PRSS35: variants seen among roughly 807,000 people sequenced by gnomAD.
PRSS35 encodes serine protease 35, also known as inactive serine protease 35.
PRSS35 carries 7 observed loss-of-function variants against 8.1 expected under a neutral mutation model. That is an observed-to-expected ratio of 0.86 (90% CI 0.49 to 1.62). The LOEUF (loss-of-function observed/expected upper bound fraction) is 1.62, where lower values mean the gene tolerates loss of function less well. PRSS35 is among the 40% of genes most tolerant of loss of function. The pLI, the probability that PRSS35 is intolerant of heterozygous loss-of-function variation, is 0.00. For synonymous variants in PRSS35, 199 were observed against 188.7 expected (o/e 1.05, Z -0.45); for missense variants, 566 against 518.0 (o/e 1.09, Z -0.90).
At position 83,523,473 on chromosome 6, in the gene PRSS35, T is replaced by C. The variant is rs1442395152; in HGVS notation, c.32T>C (p.Phe11Ser). The change falls in exon 2 of 2, where the codon TTC becomes TCC. Residue 11 changes from phenylalanine to serine, a missense_variant. By Grantham distance (155) the Phe-to-Ser change is radical. Coordinates refer to ENST00000369700, the MANE Select transcript of PRSS35 (RefSeq NM_153362.3). ...AATATGCTGCTTTGGTTGATATTTT[T>C]CACCCCTGGGTGGACCCTCATTGAT... Reference protein sequence around the residue: MENMLLWLIFFTPGWTLIDGS... With the variant: MENMLLWLIFSTPGWTLIDGS... The C allele has an allele frequency of 1.3e-5, 21 of 1,613,226 alleles. No individual in the cohort carries two copies. The highest frequency in any genetic ancestry group is 1.8e-5 in the Non-Finnish European group (21 of 1,179,702).
rs369127635 is a variant in PRSS35, at chr6:83,523,498, T to C, written c.57T>C (p.Asp19=). The C allele has an allele frequency of 5.6e-5, 91 of 1,614,068 alleles. No individual in the cohort carries two copies. Among genetic ancestry groups the C allele is most frequent in the Non-Finnish European group, 7.3e-5 (86 of 1,180,020 alleles). The change falls in exon 2 of 2, where the codon GAT becomes GAC. Residue 19 remains aspartate, a synonymous_variant. Transcript: ENST00000369700. ...IFFTPGWTLI[D]GSEMEWDFMW... ...TCACCCCTGGGTGGACCCTCATTGATGGATCTGAAATGGAATGGGATTTTA... is the reference window on the plus strand; with the variant it reads ...TCACCCCTGGGTGGACCCTCATTGACGGATCTGAAATGGAATGGGATTTTA...
chr6:83,522,540 T>A (rs946118856), intron 1 of PRSS35, among the ~76,000 whole-genome samples: 3 of 152,164 alleles, frequency 2.0e-5, no homozygotes, highest in African/African-American at 7.2e-5. Context: ...AGGGACTATA[T>A]CTAACCATTC....
intron 1 of PRSS35, among the ~76,000 whole-genome samples, chr6:83,514,237 CT>C (rs1409659156): frequency 7.9e-5 from 12 of 152,168 alleles, no homozygotes; most frequent in African/African-American, 2.7e-4. Flanking sequence ...GAGCTATATG[CT>C]GTGCACTTCA....
chr6:83,523,514 T>A lies in PRSS35; in HGVS notation c.73T>A (p.Trp25Arg). Residue 25 changes from tryptophan (W) to arginine (R), a missense_variant, in exon 2 of 2, where the codon TGG (tryptophan) becomes AGG (arginine). By Grantham distance (101) the Trp-to-Arg change is moderately radical. Coordinates refer to ENST00000369700, the MANE Select transcript of PRSS35 (RefSeq NM_153362.3). ...WTLIDGSEME[W>R]DFMWHLRKVP... The stretch of plus-strand genomic sequence containing the variant: ...CCTCATTGATGGATCTGAAATGGAA[T>A]GGGATTTTATGTGGCACTTGAGAAA... 2 of 1,614,160 alleles carry A rather than the reference T, an allele frequency of 1.2e-6. No homozygotes were observed. The highest frequency in any genetic ancestry group is 1.7e-6 in the Non-Finnish European group (2 of 1,180,010).
intron 1 of PRSS35, among the ~76,000 whole-genome samples, chr6:83,514,244 C>A (rs919555172): frequency 1.3e-5 from 2 of 152,152 alleles, no homozygotes; most frequent in Non-Finnish European, 2.9e-5. Flanking sequence ...ATGCTGTGCA[C>A]TTCATAAGGC....
intron 1 of PRSS35, among the ~76,000 whole-genome samples, chr6:83,514,617 A>G (rs1771679756): frequency 6.6e-6 from 1 of 152,194 alleles, no homozygotes; most frequent in African/African-American, 2.4e-5. Flanking sequence ...ATCAGTGGAG[A>G]GCTTATCCTT....
intron 1 of PRSS35, among the ~76,000 whole-genome samples, chr6:83,513,202 G>A (rs2127712367): frequency 6.6e-6 from 1 of 152,284 alleles, no homozygotes; most frequent in South Asian, 2.1e-4. Flanking sequence ...AAAGTGTGTG[G>A]GGTGGTGATG....
chr6:83,514,056 T>C (rs1015203298), intron 1 of PRSS35, among the ~76,000 whole-genome samples: 8 of 152,218 alleles, frequency 5.3e-5, no homozygotes, highest in East Asian at 1.9e-4. Context: ...GTTAGTAGTA[T>C]GCAAGCTATT....
Position 83,524,262 on chromosome 6 carries a change from A to G in PRSS35, c.821A>G (p.Asp274Gly), listed in dbSNP as rs754021722. 3.0e-5 allele frequency: 49 copies of G among 1,614,010 alleles called. No individual in the cohort carries two copies. Among genetic ancestry groups the G allele is most frequent in the Non-Finnish European group, 3.8e-5 (45 of 1,180,030 alleles). The change falls in exon 2 of 2, where the codon GAC becomes GGC. Residue 274 changes from aspartate to glycine, a missense_variant. Transcript: ENST00000369700. ...GGAGGCATGGGGGACGCTACCTTGGACTATGACTATGCTCTTCTGGAGCTG... is the reference window on the plus strand; with the variant it reads ...GGAGGCATGGGGGACGCTACCTTGGGCTATGACTATGCTCTTCTGGAGCTG... ...ARGGMGDATL[D>G]YDYALLELKR...
At chr6:83,519,137 C>T (rs191235139) in intron 1 of PRSS35, among the ~76,000 whole-genome samples, 8 of 152,256 alleles carry the variant, frequency 5.3e-5, no homozygotes, top group African/African-American at 1.9e-4. Context: ...AGTGTGGTCA[C>T]TTCTATTAAT....
In PRSS35 at chr6:83,523,524, T is replaced by C; in HGVS notation, c.83T>C (p.Met28Thr). The C allele has an allele frequency of 6.2e-7, 1 of 1,614,238 alleles. No individual in the cohort carries two copies. Among genetic ancestry groups the C allele is most frequent in the Non-Finnish European group, 8.5e-7 (1 of 1,180,040 alleles). Residue 28 changes from methionine (M) to threonine (T), a missense_variant, in exon 2 of 2, where the codon ATG becomes ACG. Coordinates refer to ENST00000369700, the MANE Select transcript of PRSS35 (RefSeq NM_153362.3). The stretch of plus-strand genomic sequence containing the variant: ...GGATCTGAAATGGAATGGGATTTTA[T>C]GTGGCACTTGAGAAAGGTACCCCGG... ...IDGSEMEWDF[M>T]WHLRKVPRIV...
intron 1 of PRSS35, among the ~76,000 whole-genome samples, chr6:83,514,461 C>G (rs1371220691): frequency 6.6e-6 from 1 of 152,174 alleles, no homozygotes. Context: ...CTTCCTTTCC[C>G]TCAAGTACTG....
intron 1 of PRSS35, among the ~76,000 whole-genome samples, chr6:83,522,563 C>A (rs1342023138): frequency 6.6e-6 from 1 of 152,176 alleles, no homozygotes; most frequent in Non-Finnish European, 1.5e-5. Context: ...ATGTCCCCCC[C>A]AAACAGCCTG....
At chr6:83,520,464 A>G (rs912060702) in intron 1 of PRSS35, among the ~76,000 whole-genome samples, 1 of 152,194 alleles carries the variant, frequency 6.6e-6, no homozygotes, top group Non-Finnish European at 1.5e-5. Context: ...TGCTGAAGTT[A>G]CTAGTGTAGG....
Position 83,523,503 on chromosome 6 carries a change from C to T in PRSS35, c.62C>T (p.Ser21Phe). Residue 21 changes from serine to phenylalanine, a missense_variant, in exon 2 of 2, where the codon TCT becomes TTT. Coordinates refer to ENST00000369700, the MANE Select transcript of PRSS35 (RefSeq NM_153362.3). ...CCTGGGTGGACCCTCATTGATGGAT[C>T]TGAAATGGAATGGGATTTTATGTGG... is the stretch of plus-strand genomic sequence containing the variant. Reference protein sequence around the residue: ...FTPGWTLIDGSEMEWDFMWHL... With the variant: ...FTPGWTLIDGFEMEWDFMWHL... 1 of 1,614,144 alleles carries T rather than the reference C, an allele frequency of 6.2e-7. No individual in the cohort carries two copies. Among genetic ancestry groups the T allele is most frequent in the Non-Finnish European group, 8.5e-7 (1 of 1,180,016 alleles).
At chr6:83,513,321 C>G (rs1366861267) in intron 1 of PRSS35, among the ~76,000 whole-genome samples, 2 of 152,084 alleles carry the variant, frequency 1.3e-5, no homozygotes, top group African/African-American at 4.8e-5. Flanking sequence ...TTTGTGTAGT[C>G]TTGAAATTTT....
In PRSS35 at chr6:83,524,248, G is replaced by A; in HGVS notation, c.807G>A (p.Gly269=). 2 of 1,614,132 alleles carry A rather than the reference G, an allele frequency of 1.2e-6. No individual in the cohort carries two copies. Among genetic ancestry groups the A allele is most frequent in the East Asian group, 2.2e-5 (1 of 44,866 alleles). The change falls in exon 2 of 2, where the codon GGG becomes GGA. Residue 269 remains glycine, a synonymous_variant. Transcript: ENST00000369700. ...IPKGWARGGM[G]DATLDYDYAL... is the part of the protein sequence containing the mutation. ...AGGGCTGGGCACGAGGAGGCATGGG[G>A]GACGCTACCTTGGACTATGACTATG... is the stretch of plus-strand genomic sequence containing the variant.
At chr6:83,522,920 G>A (rs1466563963) in intron 1 of PRSS35, among the ~76,000 whole-genome samples, 1 of 152,232 alleles carries the variant, frequency 6.6e-6, no homozygotes, top group Non-Finnish European at 1.5e-5. Flanking sequence ...CCAATGAGCA[G>A]TTTTTTGAGC....
chr6:83,518,265 T>C (rs1007948118), intron 1 of PRSS35, among the ~76,000 whole-genome samples: 1 of 152,208 alleles, frequency 6.6e-6, no homozygotes, highest in Non-Finnish European at 1.5e-5. Context: ...TATAATGTCA[T>C]TTCATCATAG....
Sources: gnomAD v4.1 joint callset for allele counts (sites outside exome capture counted in the v4.1 genomes callset) on GRCh38, gnomAD v4.1.1 for gene constraint, MANE v1.5 for transcripts, NCBI Gene and HGNC (gene_info 2026-07-23, HGNC 2026-07-21) for gene names.